TEK: variants seen among roughly 807,000 people sequenced by gnomAD.
TEK encodes the protein angiopoietin-1 receptor.
Under a neutral mutation model 131.8 loss-of-function variants are expected in TEK, and 43 were observed. That is an observed-to-expected ratio of 0.33 (90% CI 0.26 to 0.42). The LOEUF (loss-of-function observed/expected upper bound fraction) is 0.42. Among genes scored for constraint, TEK ranks in the 10% least tolerant of loss-of-function variants. The pLI, the probability that TEK is intolerant of heterozygous loss-of-function variation, is 1.00. For synonymous variants in TEK, 580 were observed against 491.6 expected (o/e 1.18, Z -2.38); for missense variants, 1,162 against 1,384.4 (o/e 0.84, Z 2.55).
chr9:27,131,470 C>A (rs1822217394), intron 1 of TEK, among the ~76,000 whole-genome samples: 2 of 140,914 alleles, frequency 1.4e-5, no homozygotes, highest in Non-Finnish European at 3.1e-5. Flanking sequence ...CAGGACAAGA[C>A]CCTGTCTCAA....
In TEK at chr9:27,158,250, G is replaced by T. The variant is rs74911341; in HGVS notation, c.364+108G>T. On this transcript the variant is annotated intron_variant, in intron 2 of 22. Coordinates refer to ENST00000380036, the MANE Select transcript of TEK (RefSeq NM_000459.5). ...GCAGGGCATGCACTACCTGAATGTA[G>T]AGCTTGACGATCTTGCCTGTCTCTT... 1.3e-3 allele frequency: 1,630 copies of T among 1,274,070 alleles called. 17 individuals are homozygous for T. The African/African-American group carries it at 0.022, about 17-fold the overall frequency. The allele number at this position is 1,274,070 out of a possible 1,614,324, so 78.9% of individuals were successfully genotyped here. A position where few individuals can be genotyped will look rare whatever the true frequency, so the allele number is the denominator to read the frequency against.
chr9:27,221,069 C>T (rs1033305800), intron 21 of TEK, among the ~76,000 whole-genome samples: 9 of 152,176 alleles, frequency 5.9e-5, no homozygotes, highest in Admixed American at 2.6e-4. Flanking sequence ...GGGGAGGACG[C>T]TCCAGCTTGG....
intron 1 of TEK, among the ~76,000 whole-genome samples, chr9:27,114,430 G>A (rs1003581657): frequency 3.3e-5 from 5 of 152,164 alleles, no homozygotes; most frequent in Non-Finnish European, 5.9e-5. Flanking sequence ...AGTTAGCTGG[G>A]CATGGTGGCA....
intron 1 of TEK, among the ~76,000 whole-genome samples, chr9:27,128,218 A>G (rs888356651): frequency 1.3e-5 from 2 of 152,188 alleles, no homozygotes; most frequent in African/African-American, 4.8e-5. Flanking sequence ...TCCCAACACC[A>G]TTTATTAAAT....
intron 1 of TEK, among the ~76,000 whole-genome samples, chr9:27,143,471 G>A (rs1035444005): frequency 3.3e-5 from 5 of 152,138 alleles, no homozygotes; most frequent in African/African-American, 1.2e-4. Context: ...CCGAGAAACA[G>A]CCTGGTTTTA....
At chr9:27,183,054 G>T (rs1824450159) in intron 7 of TEK, among the ~76,000 whole-genome samples, 1 of 152,196 alleles carries the variant, frequency 6.6e-6, no homozygotes, top group Non-Finnish European at 1.5e-5. Flanking sequence ...AGTGGAGGAA[G>T]AACTAGTTTT....
In TEK at chr9:27,190,524, T is replaced by C. The variant is rs1158610391; in HGVS notation, c.1328-5T>C. 6.2e-7 allele frequency: 1 copy of C among 1,613,816 alleles called. No homozygotes were observed. The highest frequency in any genetic ancestry group is 1.3e-5 in the African/African-American group (1 of 74,902). Reference sequence around the variant, plus strand: ...GACTAATCTGCCTTCTGAAATTGTATTTAGTTCTTCCAAAGCCCCTGAATG... The same window carrying C: ...GACTAATCTGCCTTCTGAAATTGTACTTAGTTCTTCCAAAGCCCCTGAATG... On this transcript the variant is annotated splice_polypyrimidine_tract_variant and splice_region_variant and intron_variant, in intron 9 of 22. Coordinates refer to ENST00000380036, the MANE Select transcript of TEK (RefSeq NM_000459.5).
At chr9:27,148,512 A>G (rs1235317237) in intron 1 of TEK, among the ~76,000 whole-genome samples, 1 of 152,184 alleles carries the variant, frequency 6.6e-6, no homozygotes, top group Non-Finnish European at 1.5e-5. Flanking sequence ...TCTCCTCATG[A>G]TGGCCTCAGG....
rs758533579 is a variant in TEK at position 27,226,655 on chromosome 9, A to T, written c.3201-1551A>T. Among the ~76,000 whole-genome samples the T allele has an allele frequency of 7.4e-4, 112 of 152,302 alleles. 1 individual carries two copies. The highest frequency in any genetic ancestry group is 4.2e-4 in the South Asian group (2 of 4,816). ...AGGTTGATGGGTGCAGCAAACCACCATGGCACTTGTATACATATGTAACAA... is the reference window on the plus strand; with the variant it reads ...AGGTTGATGGGTGCAGCAAACCACCTTGGCACTTGTATACATATGTAACAA... On this transcript the variant is annotated intron_variant, in intron 21 of 22. Transcript: ENST00000380036.
chr9:27,142,497 G>A (rs572013994), intron 1 of TEK, among the ~76,000 whole-genome samples: 1 of 152,366 alleles, frequency 6.6e-6, no homozygotes, highest in Admixed American at 6.5e-5. Context: ...CGTAGCACTG[G>A]TCAGGCCATA....
intron 1 of TEK, among the ~76,000 whole-genome samples, chr9:27,134,938 G>T (rs576457918): frequency 1.6e-4 from 24 of 152,154 alleles, no homozygotes; most frequent in Admixed American, 3.9e-4. Flanking sequence ...AGATTTAAAA[G>T]AAACAAAAAG....
chr9:27,217,778 C>T lies in TEK; in HGVS notation c.3062+20C>T. On this transcript the variant is annotated intron_variant, in intron 19 of 22. Coordinates refer to ENST00000380036, the MANE Select transcript of TEK (RefSeq NM_000459.5). ...TGATGTGTGAGTAAACTTCTTATTG[C>T]CAAGGGATTTTTTTTCCCTCCCAGA... is the stretch of plus-strand genomic sequence containing the variant. 1 of 1,520,280 alleles carries T rather than the reference C, an allele frequency of 6.6e-7. No homozygotes were observed. The highest frequency in any genetic ancestry group is 8.8e-7 in the Non-Finnish European group (1 of 1,142,174). The allele number at this position is 1,520,280 out of a possible 1,614,324, so 94.2% of individuals were successfully genotyped here. A position where few individuals can be genotyped will look rare whatever the true frequency, so the allele number is the denominator to read the frequency against.
At chr9:27,121,515 T>C (rs890473627) in intron 1 of TEK, among the ~76,000 whole-genome samples, 56 of 149,800 alleles carry the variant, frequency 3.7e-4, no homozygotes, top group Non-Finnish European at 2.2e-4. Context: ...TGTATACATA[T>C]GTATTTTTAT....
At chr9:27,156,746 A>C (rs76518189) in intron 1 of TEK, among the ~76,000 whole-genome samples, 1,691 of 152,292 alleles carry the variant, frequency 0.011, 14 homozygotes, top group Non-Finnish European at 0.016. Context: ...ATGGGTATTC[A>C]ATAAGATAAC....
chr9:27,129,246 C>A (rs906662015), intron 1 of TEK, among the ~76,000 whole-genome samples: 8 of 152,144 alleles, frequency 5.3e-5, no homozygotes, highest in African/African-American at 1.9e-4. Flanking sequence ...TGGTTTTTGT[C>A]ATTCTGTTTA....
Position 27,190,713 on chromosome 9 carries a change from G to A in TEK, c.1489+23G>A, listed in dbSNP as rs756253413. On this transcript the variant is annotated intron_variant, in intron 10 of 22. Coordinates refer to ENST00000380036, the MANE Select transcript of TEK (RefSeq NM_000459.5). ...AAGGTAAGCTTTGGACAGGATAGATGCCAGCTGGGGATGTGGCACCAGGAG... is the reference window on the plus strand; with the variant it reads ...AAGGTAAGCTTTGGACAGGATAGATACCAGCTGGGGATGTGGCACCAGGAG... The A allele has an allele frequency of 4.3e-6, 7 of 1,613,494 alleles. No individual in the cohort carries two copies. The East Asian group carries it at 1.3e-4, about 31-fold the overall frequency.
At position 27,228,402 on chromosome 9, in the gene TEK, T is replaced by C. The variant is rs1034296226; in HGVS notation, c.3300+97T>C. On this transcript the variant is annotated intron_variant, in intron 22 of 22. Coordinates refer to ENST00000380036, the MANE Select transcript of TEK (RefSeq NM_000459.5). ...ATTGAAATAATTGAAGAAGTTCTTC[T>C]TGGCATGGCCCTAAGTATTATAGAA... 6 of 950,550 alleles carry C rather than the reference T, an allele frequency of 6.3e-6. No homozygotes were observed. In the African/African-American group the frequency reaches 6.5e-5, roughly 10 times the overall value. 58.9% of individuals were successfully genotyped at this position (950,550 alleles called of 1,614,324 possible). A position where few individuals can be genotyped will look rare whatever the true frequency, so the allele number is the denominator to read the frequency against.
At chr9:27,224,459 G>A (rs1826224194) in intron 21 of TEK, among the ~76,000 whole-genome samples, 1 of 151,962 alleles carries the variant, frequency 6.6e-6, no homozygotes, top group Non-Finnish European at 1.5e-5. Context: ...TTCAACATAT[G>A]CAAATCAATA....
Position 27,115,510 on chromosome 9 carries a change from C to A in TEK, c.52+5868C>A, listed in dbSNP as rs55635654. 1.4e-3 allele frequency among the ~76,000 whole-genome samples: 162 copies of A among 116,270 alleles called. 1 individual carries two copies. The highest frequency in any genetic ancestry group is 2.7e-3 in the Non-Finnish European group (132 of 48,294). The allele number at this position is 116,270 out of a possible 152,430, so 76.3% of individuals were successfully genotyped here. On this transcript the variant is annotated intron_variant, in intron 1 of 22. Coordinates refer to ENST00000380036, the MANE Select transcript of TEK (RefSeq NM_000459.5). The stretch of plus-strand genomic sequence containing the variant: ...CGAGACATTGTCTCAAAAAAAACAA[C>A]AAACAAACAAACGAAACTAAATTGA...
Sources: allele counts gnomAD v4.1 joint callset (sites outside exome capture counted in the v4.1 genomes callset), GRCh38; gene constraint gnomAD v4.1.1; transcripts MANE v1.5; gene names NCBI Gene and HGNC (gene_info 2026-07-23, HGNC 2026-07-21).